Variants in DLG2 observed in about 807,000 individuals in gnomAD.
DLG2 encodes discs large MAGUK scaffold protein 2.
In DLG2, 45 loss-of-function variants were observed where a neutral mutation model predicts 132.5. That is an observed-to-expected ratio of 0.34 (90% CI 0.27 to 0.44). The LOEUF is 0.44. DLG2 is among the 20% of genes least tolerant of loss of function. The probability of loss-of-function intolerance (pLI) is 1.00; values close to 1 mark genes in which losing one functional copy is unlikely to be tolerated. For synonymous variants in DLG2, 424 were observed against 419.6 expected (o/e 1.01, Z -0.13); for missense variants, 1,045 against 1,196.9 (o/e 0.87, Z 1.87).
chr11:84,237,019 C>A (rs1358716392), intron 8 of DLG2, among the ~76,000 whole-genome samples: 1 of 151,470 alleles, frequency 6.6e-6, no homozygotes, highest in Non-Finnish European at 1.5e-5. Context: ...ACCTCCGCCT[C>A]CCGGGTTCCA....
chr11:85,161,609 A>C (rs1400318097), intron 4 of DLG2, among the ~76,000 whole-genome samples: 1 of 152,192 alleles, frequency 6.6e-6, no homozygotes, highest in African/African-American at 2.4e-5. Context: ...GAATGCCTTA[A>C]CCACAGTCAT....
At chr11:84,392,037 C>T (rs954092320) in intron 7 of DLG2, among the ~76,000 whole-genome samples, 13 of 152,114 alleles carry the variant, frequency 8.5e-5, no homozygotes, top group African/African-American at 3.1e-4. Flanking sequence ...TGGTATCTAC[C>T]TAATGGAGTC....
intron 11 of DLG2, among the ~76,000 whole-genome samples, chr11:84,038,302 A>G (rs547671160): frequency 6.6e-6 from 1 of 151,136 alleles, no homozygotes; most frequent in East Asian, 1.9e-4. Flanking sequence ...AATTTACAAG[A>G]AAAAAAAACA....
chr11:85,513,525 T>C (rs949805581), intron 3 of DLG2, among the ~76,000 whole-genome samples: 2 of 152,026 alleles, frequency 1.3e-5, no homozygotes, highest in Non-Finnish European at 2.9e-5. Flanking sequence ...ATTAGCTCTA[T>C]GAGTTTTGGG....
chr11:84,650,863 GTGTGTGTGTGTATATATATA>G (rs1460870130), intron 6 of DLG2, among the ~76,000 whole-genome samples: 112 of 92,242 alleles, frequency 1.2e-3, no homozygotes, highest in Middle Eastern at 0.011. Context: ...GTGTGTGTGT[GTGTGTGTGTGTATATATATA>G]TATATATATA....
At chr11:84,399,208 A>G (rs892226681) in intron 7 of DLG2, among the ~76,000 whole-genome samples, 26 of 152,124 alleles carry the variant, frequency 1.7e-4, no homozygotes, top group African/African-American at 6.3e-4. Flanking sequence ...TATCCTCTTC[A>G]CTACCCTGCT....
chr11:84,974,631 A>G (rs955671781), intron 6 of DLG2, among the ~76,000 whole-genome samples: 1 of 152,200 alleles, frequency 6.6e-6, no homozygotes. Flanking sequence ...GGAATCCAGA[A>G]TTATGTCTTC....
At position 84,040,046 on chromosome 11, in the gene DLG2, C is replaced by G. The variant is rs865946306; in HGVS notation, c.919+19269G>C. ...TTGAGAAGTGTCTGTTCATGTCCTT[C>G]GCCCACTTTTTGATAGGGTTGTTTG... is the stretch of plus-strand genomic sequence containing the variant. On this transcript the variant is annotated intron_variant, in intron 11 of 27. Coordinates refer to ENST00000376104, the MANE Select transcript of DLG2 (RefSeq NM_001142699.3). Among the ~76,000 whole-genome samples the G allele has an allele frequency of 9.9e-5, 15 of 151,776 alleles. No individual in the cohort carries two copies. The East Asian group carries it at 2.3e-3, about 24-fold the overall frequency.
Position 84,667,498 on chromosome 11 carries a change from G to GTTTTT in DLG2, c.358-132772_358-132768dup, listed in dbSNP as rs57863742. 5.9e-4 allele frequency among the ~76,000 whole-genome samples: 72 copies of GTTTTT among 122,236 alleles called. 1 individual carries two copies. Among genetic ancestry groups the GTTTTT allele is most frequent in the East Asian group, 1.5e-3 (6 of 3,896 alleles). 80.2% of individuals were successfully genotyped at this position (122,236 alleles called of 152,430 possible). Reference sequence around the variant, plus strand: ...TTTTTGTTTTTGTTTTTTGTTTTTTGTTTTTTTTTTTTTTTTGAGTCATAG... The same window carrying GTTTTT: ...TTTTTGTTTTTGTTTTTTGTTTTTTGTTTTTTTTTTTTTTTTTTTTTGAGTCATAG... On this transcript the variant is annotated intron_variant, in intron 6 of 27. Transcript: ENST00000376104.
At chr11:84,107,868 CA>C (rs1160125512) in intron 9 of DLG2, among the ~76,000 whole-genome samples, 2 of 152,100 alleles carry the variant, frequency 1.3e-5, no homozygotes, top group African/African-American at 4.8e-5. Context: ...ATTGGAACTG[CA>C]GCTTTGAGGC....
At chr11:84,266,338 G>A (rs562703179) in intron 7 of DLG2, among the ~76,000 whole-genome samples, 1 of 152,302 alleles carries the variant, frequency 6.6e-6, no homozygotes, top group African/African-American at 2.4e-5. Context: ...ATCTGCAAAT[G>A]TTCTTGCAGT....
intron 6 of DLG2, among the ~76,000 whole-genome samples, chr11:84,733,355 T>C (rs1277113897): frequency 6.6e-6 from 1 of 152,130 alleles, no homozygotes; most frequent in Non-Finnish European, 1.5e-5. Context: ...AGATGGTATC[T>C]CATTGTGGTT....
intron 23 of DLG2, 135 bp from the exon 24 acceptor site, chr11:83,471,862 A>C: frequency 1.4e-6 from 1 of 690,974 alleles, no homozygotes; most frequent in South Asian, 1.8e-5. Flanking sequence ...TAAATTACTC[A>C]TACAGCCTTG....
chr11:85,262,515 C>A (rs774297790), intron 4 of DLG2, among the ~76,000 whole-genome samples: 1 of 151,892 alleles, frequency 6.6e-6, no homozygotes, highest in Non-Finnish European at 1.5e-5. Context: ...ACTCCTCAAA[C>A]CTCCATGATT....
chr11:83,675,900 A>T (rs2077597084), intron 18 of DLG2, among the ~76,000 whole-genome samples: 2 of 152,206 alleles, frequency 1.3e-5, no homozygotes, highest in African/African-American at 4.8e-5. Context: ...GACATGCACC[A>T]TCATATGCTT....
At chr11:84,473,483 A>G (rs550903854) in intron 7 of DLG2, among the ~76,000 whole-genome samples, 3 of 152,036 alleles carry the variant, frequency 2.0e-5, no homozygotes, top group Non-Finnish European at 4.4e-5. Flanking sequence ...CTAAACTACT[A>G]TCTTGATGTC....
At chr11:83,590,349 C>T (rs531063562) in intron 19 of DLG2, among the ~76,000 whole-genome samples, 1 of 152,294 alleles carries the variant, frequency 6.6e-6, no homozygotes, top group African/African-American at 2.4e-5. Context: ...CTCAAAACCG[C>T]TCAACTACAT....
At chr11:85,463,178 C>A (rs1244189474) in intron 3 of DLG2, among the ~76,000 whole-genome samples, 1 of 152,184 alleles carries the variant, frequency 6.6e-6, no homozygotes, top group Admixed American at 6.5e-5. Flanking sequence ...GATGGGGAAT[C>A]ATTTTATTTT....
intron 2 of DLG2, among the ~76,000 whole-genome samples, chr11:85,623,095 C>T (rs1381227052): frequency 6.6e-6 from 1 of 151,434 alleles, no homozygotes; most frequent in Non-Finnish European, 1.5e-5. Context: ...ATATAACATT[C>T]TTCAGCTTCC....
Sources: gnomAD v4.1 joint callset for allele counts (sites outside exome capture counted in the v4.1 genomes callset) on GRCh38, gnomAD v4.1.1 for gene constraint, MANE v1.5 for transcripts, NCBI Gene and HGNC (gene_info 2026-07-23, HGNC 2026-07-21) for gene names.